GRM8: variants seen among roughly 807,000 people sequenced by gnomAD.
GRM8 encodes metabotropic glutamate receptor 8.
In GRM8, 47 loss-of-function variants were observed where a neutral mutation model predicts 87.2. The observed-to-expected ratio is 0.54, with a 90% confidence interval of 0.43 to 0.69. The LOEUF (loss-of-function observed/expected upper bound fraction) is 0.69. GRM8 is among the 30% of genes least tolerant of loss of function. The probability of loss-of-function intolerance (pLI) is 0.00; values close to 1 mark genes in which losing one functional copy is unlikely to be tolerated. For missense variants in GRM8, 1,019 were observed against 1,139.2 expected (o/e 0.89, Z 1.52); for synonymous variants, 396 against 404.5 (o/e 0.98, Z 0.25).
chr7:126,990,876 G>A (rs1252067684), intron 3 of GRM8, among the ~76,000 whole-genome samples: 1 of 152,096 alleles, frequency 6.6e-6, no homozygotes. Context: ...AATAAATGTT[G>A]CTTTTTTCTC....
intron 6 of GRM8, among the ~76,000 whole-genome samples, chr7:126,896,487 A>C (rs1801551598): frequency 6.6e-6 from 1 of 152,076 alleles, no homozygotes; most frequent in African/African-American, 2.4e-5. Context: ...CCCCTTGATG[A>C]CTACCTACTT....
chr7:126,895,102 T>G (rs1402574694), intron 6 of GRM8, among the ~76,000 whole-genome samples: 1 of 152,038 alleles, frequency 6.6e-6, no homozygotes, highest in Non-Finnish European at 1.5e-5. Flanking sequence ...CTTTCAAATT[T>G]ACTAATGAGA....
chr7:126,677,645 A>G (rs749062893), intron 7 of GRM8, among the ~76,000 whole-genome samples: 5 of 152,176 alleles, frequency 3.3e-5, no homozygotes, highest in Non-Finnish European at 7.3e-5. Context: ...GAGCTAAGCT[A>G]TGGGTACACA....
At chr7:127,237,714 C>T (rs1798057939) in intron 2 of GRM8, among the ~76,000 whole-genome samples, 1 of 152,174 alleles carries the variant, frequency 6.6e-6, no homozygotes, top group Non-Finnish European at 1.5e-5. Context: ...TATCTAACCC[C>T]TATCCTTCAA....
At chr7:126,828,115 A>C (rs1214949315) in intron 6 of GRM8, among the ~76,000 whole-genome samples, 3 of 152,188 alleles carry the variant, frequency 2.0e-5, no homozygotes, top group Non-Finnish European at 2.9e-5. Flanking sequence ...TCGTTTTGCC[A>C]GTATTTTATT....
chr7:127,011,859 A>G (rs1459600367), intron 3 of GRM8, among the ~76,000 whole-genome samples: 4 of 152,146 alleles, frequency 2.6e-5, no homozygotes, highest in African/African-American at 9.7e-5. Flanking sequence ...ACTGGCATGA[A>G]TGCTACAGCT....
At position 126,498,808 on chromosome 7, in the gene GRM8, T is replaced by C. The variant is rs570791571; in HGVS notation, c.2430+34144A>G. Among the ~76,000 whole-genome samples the C allele has an allele frequency of 2.6e-4, 39 of 152,128 alleles. 1 individual carries two copies. Among genetic ancestry groups the C allele is most frequent in the Admixed American group, 1.7e-3 (26 of 15,260 alleles). On this transcript the variant is annotated intron_variant, in intron 9 of 10. Transcript: ENST00000339582. The stretch of plus-strand genomic sequence containing the variant: ...TAGCTAATGTGTCAAATTAGGACTT[T>C]CATTATGTGAAATTTGATTATGGGT...
At chr7:126,739,836 T>C (rs981874313) in intron 7 of GRM8, among the ~76,000 whole-genome samples, 1 of 152,104 alleles carries the variant, frequency 6.6e-6, no homozygotes, top group Non-Finnish European at 1.5e-5. Flanking sequence ...GATACACAAA[T>C]ACCATTGTGT....
At chr7:126,728,592 T>C (rs1813262532) in intron 7 of GRM8, among the ~76,000 whole-genome samples, 2 of 151,992 alleles carry the variant, frequency 1.3e-5, no homozygotes, top group South Asian at 4.1e-4. Context: ...TCCACACAAA[T>C]GCACAAATAA....
chr7:126,989,961 T>G (rs7801841), intron 3 of GRM8, among the ~76,000 whole-genome samples: 1 of 148,402 alleles, frequency 6.7e-6, no homozygotes, highest in Non-Finnish European at 1.5e-5. Flanking sequence ...AAAAAAAAAA[T>G]GGGGGATAGG....
At chr7:127,164,849 T>G (rs1793339687) in intron 2 of GRM8, among the ~76,000 whole-genome samples, 1 of 151,970 alleles carries the variant, frequency 6.6e-6, no homozygotes, top group African/African-American at 2.4e-5. Context: ...AATCCCTAGG[T>G]GACCTTGGGC....
intron 2 of GRM8, among the ~76,000 whole-genome samples, chr7:127,160,625 G>A (rs1240546843): frequency 6.6e-6 from 1 of 152,048 alleles, no homozygotes; most frequent in Non-Finnish European, 1.5e-5. Context: ...GGAAAGAGGC[G>A]AACTTAGTAG....
intron 1 of GRM8, among the ~76,000 whole-genome samples, chr7:127,248,680 T>C (rs1798703650): frequency 6.6e-6 from 1 of 152,242 alleles, no homozygotes; most frequent in Non-Finnish European, 1.5e-5. Context: ...CCAAGTGCTA[T>C]AAGAATGCAC....
At chr7:126,853,577 T>C (rs114648046) in intron 6 of GRM8, among the ~76,000 whole-genome samples, 109 of 152,288 alleles carry the variant, frequency 7.2e-4, no homozygotes, top group African/African-American at 2.6e-3. Flanking sequence ...AAGTAATCTT[T>C]GACACAGGAT....
chr7:126,736,331 T>C (rs375914960), intron 7 of GRM8, among the ~76,000 whole-genome samples: 1 of 152,100 alleles, frequency 6.6e-6, no homozygotes, highest in East Asian at 1.9e-4. Context: ...TCTTAAGCCA[T>C]GTGCAAACAT....
At chr7:127,073,310 A>G (rs1010669177) in intron 3 of GRM8, among the ~76,000 whole-genome samples, 3 of 152,218 alleles carry the variant, frequency 2.0e-5, no homozygotes, top group Admixed American at 6.5e-5. Flanking sequence ...GTAATGGTCC[A>G]TGACTGCAAA....
intron 3 of GRM8, among the ~76,000 whole-genome samples, chr7:127,027,343 TTAAAG>T (rs1208951363): frequency 2.0e-5 from 3 of 152,172 alleles, no homozygotes; most frequent in Non-Finnish European, 4.4e-5. Context: ...CATATGAAAT[TTAAAG>T]TAGTTTTTTC....
chr7:126,828,335 C>A (rs900967452), intron 6 of GRM8, among the ~76,000 whole-genome samples: 7 of 152,126 alleles, frequency 4.6e-5, no homozygotes, highest in African/African-American at 1.7e-4. Context: ...GTGAATCCAT[C>A]TGGTCCTGGA....
At chr7:126,557,691 T>C (rs781726498) in intron 8 of GRM8, among the ~76,000 whole-genome samples, 25 of 152,206 alleles carry the variant, frequency 1.6e-4, no homozygotes, top group Non-Finnish European at 2.8e-4. Flanking sequence ...TATTCATTCA[T>C]TGTCATATCT....
Sources: allele counts gnomAD v4.1 joint callset (sites outside exome capture counted in the v4.1 genomes callset), GRCh38; gene constraint gnomAD v4.1.1; transcripts MANE v1.5; gene names NCBI Gene and HGNC (gene_info 2026-07-23, HGNC 2026-07-21).